The following ACAT1 variants were observed in gnomAD, a reference collection of about 807,000 sequenced individuals.
The protein encoded by ACAT1 is acetyl-CoA acetyltransferase 1, also known as acetyl-CoA acetyltransferase, mitochondrial.
ACAT1 carries 28 observed loss-of-function variants against 47.3 expected under a neutral mutation model. The observed-to-expected ratio is 0.59, with a 90% confidence interval of 0.44 to 0.81. The LOEUF is 0.81. Among genes scored for constraint, ACAT1 ranks in the 30% least tolerant of loss-of-function variants. The probability of loss-of-function intolerance (pLI) is 0.00; values close to 1 mark genes in which losing one functional copy is unlikely to be tolerated. For synonymous variants in ACAT1, 181 were observed against 173.6 expected (o/e 1.04, Z -0.34); for missense variants, 469 against 524.3 (o/e 0.89, Z 1.03).
In ACAT1 at chr11:108,141,369, C is replaced by CAAAAAAAAAAAA. The variant is rs60002941; in HGVS notation, c.731-221_731-210dup. Among the ~76,000 whole-genome samples the CAAAAAAAAAAAA allele has an allele frequency of 7.9e-4, 55 of 69,322 alleles. 3 individuals are homozygous for CAAAAAAAAAAAA. The highest frequency in any genetic ancestry group is 1.0e-3 in the Non-Finnish European group (41 of 39,454). The allele number at this position is 69,322 out of a possible 152,430, so 45.5% of individuals were successfully genotyped here. On this transcript the variant is annotated intron_variant, in intron 7 of 11. Coordinates refer to ENST00000265838, the MANE Select transcript of ACAT1 (RefSeq NM_000019.4). ...TAAGCAGGAGAGGGAAACCCTGCCTCAAAAAAAAAAAAAAAAAAAAAAAAA... is the reference window on the plus strand; with the variant it reads ...TAAGCAGGAGAGGGAAACCCTGCCTCAAAAAAAAAAAAAAAAAAAAAAAAAAAAAAAAAAAAA...
intron 11 of ACAT1, among the ~76,000 whole-genome samples, chr11:108,146,819 C>A (rs12785678): frequency 1.3e-5 from 2 of 152,208 alleles, no homozygotes; most frequent in Admixed American, 1.3e-4. Flanking sequence ...CGGTGGCTCA[C>A]GCCTGTAATC....
chr11:108,134,627 G>A (rs1451857396), intron 4 of ACAT1, among the ~76,000 whole-genome samples: 1 of 115,960 alleles, frequency 8.6e-6, no homozygotes, highest in African/African-American at 3.3e-5. Flanking sequence ...GACAGAGTGA[G>A]ATTCTGTCTG....
upstream of ACAT1, among the ~76,000 whole-genome samples, chr11:108,117,594 C>T (rs1299221366): frequency 1.3e-5 from 2 of 152,076 alleles, no homozygotes; most frequent in Admixed American, 1.3e-4. Context: ...CAGGCATGAG[C>T]CACCACACCT....
At chr11:108,126,905 G>C (rs1363685920) in intron 1 of ACAT1, among the ~76,000 whole-genome samples, 2 of 144,024 alleles carry the variant, frequency 1.4e-5, no homozygotes, top group Non-Finnish European at 3.0e-5. Flanking sequence ...CAGTTCTCTT[G>C]CCTTAGCCTC....
chr11:108,132,124 A>G (rs115481262), intron 2 of ACAT1, among the ~76,000 whole-genome samples, 170 bp downstream of exon 2: 1 of 152,220 alleles, frequency 6.6e-6, no homozygotes, highest in Non-Finnish European at 1.5e-5. Flanking sequence ...ATAATAGAAA[A>G]ACATGTCAGT....
chr11:108,146,356 T>C lies in ACAT1; in HGVS notation c.1160T>C (p.Ile387Thr), dbSNP rs748303093. The stretch of plus-strand genomic sequence containing the variant: ...GGAGCTGTTTCTCTGGGACATCCAA[T>C]TGGGTAGGTAAAAATAATAACTATA... The part of the protein sequence containing the change: ...NGGAVSLGHP[I>T]GMSGARIVGH... The change falls in exon 11 of 12, where the codon ATT (isoleucine) becomes ACT (threonine). Residue 387 changes from isoleucine (I) to threonine (T), a missense_variant. Ile to Thr is a moderately conservative substitution (Grantham distance 89). Coordinates refer to ENST00000265838, the MANE Select transcript of ACAT1 (RefSeq NM_000019.4). The C allele has an allele frequency of 3.7e-6, 6 of 1,613,770 alleles. No individual in the cohort carries two copies. The highest frequency in any genetic ancestry group is 2.2e-5 in the East Asian group (1 of 44,830).
chr11:108,135,289 G>A (rs1401403690), intron 5 of ACAT1, 47 bp downstream of exon 5: 11 of 1,395,974 alleles, frequency 7.9e-6, no homozygotes, highest in Non-Finnish European at 1.1e-5. Flanking sequence ...TAATACCTAG[G>A]GCTAAAAGAC....
upstream of ACAT1, among the ~76,000 whole-genome samples, chr11:108,119,926 A>G (rs1591348803): frequency 6.6e-6 from 1 of 152,258 alleles, no homozygotes; most frequent in East Asian, 1.9e-4. Flanking sequence ...ATATTAAAAA[A>G]TTACCCTGGC....
chr11:108,146,603 T>C (rs984615902), intron 11 of ACAT1, among the ~76,000 whole-genome samples: 10 of 152,156 alleles, frequency 6.6e-5, no homozygotes, highest in Admixed American at 6.6e-4. Flanking sequence ...TTTTACCCCC[T>C]TTTTCTCCTT....
At chr11:108,141,577 G>C (rs112489357) in intron 7 of ACAT1, 28 bp from the exon 8 acceptor site, 5 of 1,566,614 alleles carry the variant, frequency 3.2e-6, no homozygotes, top group Admixed American at 3.3e-5. Context: ...TGTTTTGAGC[G>C]ATTTTACTTA....
In ACAT1 at chr11:108,143,957, ACCCCCCC is replaced by A; in HGVS notation, c.941-20_941-14del. On this transcript the variant is annotated intron_variant, in intron 9 of 11. Transcript: ENST00000265838. ...CAGTAAAAAAAAAAAGATTTTAACA[ACCCCCCC>A]CCCCCTTTTTTTAAACAGCATTTGC... 1 of 875,004 alleles carries A rather than the reference ACCCCCCC, an allele frequency of 1.1e-6. No individual in the cohort carries two copies. The highest frequency in any genetic ancestry group is 1.7e-6 in the Non-Finnish European group (1 of 590,036). The allele number at this position is 875,004 out of a possible 1,614,324, so 54.2% of individuals were successfully genotyped here. A position where few individuals can be genotyped will look rare whatever the true frequency, so the allele number is the denominator to read the frequency against.
chr11:108,137,201 G>A lies in ACAT1; in HGVS notation c.436-1697G>A, dbSNP rs571668121. ...AATAAATGGTCAAGGCAGACATGAAGTAGTGTTCTGATTAGTTTTAAGAGA... is the reference window on the plus strand; with the variant it reads ...AATAAATGGTCAAGGCAGACATGAAATAGTGTTCTGATTAGTTTTAAGAGA... On this transcript the variant is annotated intron_variant, in intron 5 of 11. Coordinates refer to ENST00000265838, the MANE Select transcript of ACAT1 (RefSeq NM_000019.4). 3.1e-4 allele frequency among the ~76,000 whole-genome samples: 46 copies of A among 150,514 alleles called. 2 individuals are homozygous for A. Among genetic ancestry groups the A allele is most frequent in the Middle Eastern group, 6.8e-3 (2 of 294 alleles).
rs748749897 is a variant in ACAT1 at position 108,147,306 on chromosome 11, T to C, written c.1200T>C (p.His400=). The part of the protein sequence containing the change: ...SGARIVGHLT[H]ALKQGEYGLA... ...CCAGGATTGTTGGTCATTTGACTCA[T>C]GCCTTGAAGCAAGGAGAATACGGTC... Residue 400 remains histidine (H), a synonymous_variant, in exon 12 of 12, where the codon CAT becomes CAC. Transcript: ENST00000265838. 1.4e-5 allele frequency: 22 copies of C among 1,613,878 alleles called. No individual in the cohort carries two copies. The highest frequency in any genetic ancestry group is 1.8e-5 in the Non-Finnish European group (21 of 1,179,938).
At chr11:108,142,256 G>C (rs886783006) in intron 8 of ACAT1, among the ~76,000 whole-genome samples, 181 bp from the exon 9 acceptor site, 9 of 152,178 alleles carry the variant, frequency 5.9e-5, no homozygotes, top group African/African-American at 2.2e-4. Context: ...ACACAAAAAG[G>C]CATTCTTACA....
intron 11 of ACAT1, among the ~76,000 whole-genome samples, chr11:108,146,782 T>A (rs2077720178): frequency 6.6e-6 from 1 of 152,198 alleles, no homozygotes. Context: ...TTCTGTACTT[T>A]TAAAAGATCT....
intron 11 of ACAT1, among the ~76,000 whole-genome samples, chr11:108,146,846 C>T (rs576988057): frequency 6.6e-6 from 1 of 152,352 alleles, no homozygotes; most frequent in South Asian, 2.1e-4. Context: ...CTTTGGGAGG[C>T]TGAGGTGAAC....
At chr11:108,119,666 A>T (rs918009135), upstream of ACAT1, among the ~76,000 whole-genome samples, 5 of 151,934 alleles carry the variant, frequency 3.3e-5, no homozygotes, top group African/African-American at 4.8e-5. Context: ...TCTCTCTCAC[A>T]CACACACACA....
upstream of ACAT1, chr11:108,121,323 G>C (rs867769316): frequency 1.1e-5 from 6 of 558,954 alleles, no homozygotes; most frequent in African/African-American, 1.1e-4. Flanking sequence ...CGGCAGGTTA[G>C]ACTTGGTGGA....
intron 1 of ACAT1, among the ~76,000 whole-genome samples, chr11:108,126,510 T>C (rs2077249641): frequency 6.6e-6 from 1 of 152,174 alleles, no homozygotes; most frequent in African/African-American, 2.4e-5. Flanking sequence ...GTTAAATTAT[T>C]TTAAGCAGTA....
Sources: allele counts gnomAD v4.1 joint callset (sites outside exome capture counted in the v4.1 genomes callset), GRCh38; gene constraint gnomAD v4.1.1; transcripts MANE v1.5; gene names NCBI Gene and HGNC (gene_info 2026-07-23, HGNC 2026-07-21).